The following SCHIP1 variants were observed in gnomAD, a reference collection of about 807,000 sequenced individuals.
SCHIP1 encodes the protein schwannomin-interacting protein 1.
A neutral mutation model predicts 29.7 loss-of-function variants in SCHIP1; 8 were observed. That is an observed-to-expected ratio of 0.27 (90% CI 0.16 to 0.49). The LOEUF (loss-of-function observed/expected upper bound fraction) is 0.49, where lower values mean the gene tolerates loss of function less well. Among genes scored for constraint, SCHIP1 ranks in the 20% least tolerant of loss-of-function variants. The probability of loss-of-function intolerance (pLI) is 0.99; values close to 1 mark genes in which losing one functional copy is unlikely to be tolerated. For missense variants in SCHIP1, 193 were observed against 294.6 expected, an observed-to-expected ratio of 0.66 and a Z score of 2.52; for synonymous variants, 76 against 94.9, an observed-to-expected ratio of 0.80 and a Z score of 1.16.
At chr3:159,345,226 CAAAA>C in the SCHIP1 span, among the ~76,000 whole-genome samples, 3 of 117,284 alleles carry the variant, frequency 2.6e-5, no homozygotes, top group Admixed American at 8.8e-5. Context: ...GACTCTGTCT[CAAAA>C]AAAAAAAAAA....
the SCHIP1 span, among the ~76,000 whole-genome samples, chr3:159,451,907 G>T: frequency 6.6e-6 from 1 of 152,082 alleles, no homozygotes; most frequent in South Asian, 2.1e-4. Flanking sequence ...GGTCCATACT[G>T]AAAAGAGGGG....
the SCHIP1 span, among the ~76,000 whole-genome samples, chr3:159,553,805 G>T: frequency 4.0e-5 from 6 of 151,382 alleles, no homozygotes; most frequent in African/African-American, 9.7e-5. Flanking sequence ...TTGTTTGTTG[G>T]TTTTTTGTTT....
the SCHIP1 span, chr3:159,764,212 T>C: frequency 4.2e-6 from 2 of 480,180 alleles, no homozygotes; most frequent in Non-Finnish European, 7.3e-6. This position sits in a 1 kb window ranked among gnomAD's most constrained non-coding sequence, Gnocchi z 6.1. Context: ...GGCACCCCTT[T>C]GCTAATTTGA....
the SCHIP1 span, among the ~76,000 whole-genome samples, chr3:159,616,238 A>C: frequency 6.6e-6 from 1 of 152,234 alleles, no homozygotes; most frequent in East Asian, 1.9e-4. Flanking sequence ...AGTTGGGATT[A>C]CAGGCATGTG....
chr3:159,809,208 A>G, the SCHIP1 span, among the ~76,000 whole-genome samples: 8 of 149,956 alleles, frequency 5.3e-5, no homozygotes, highest in South Asian at 2.1e-4. Flanking sequence ...TCATTGTTCA[A>G]CTACCACTGA....
At chr3:159,296,132 C>T in the SCHIP1 span, among the ~76,000 whole-genome samples, 1 of 137,988 alleles carries the variant, frequency 7.2e-6, no homozygotes, top group African/African-American at 2.6e-5. Context: ...AGGGATTATG[C>T]TTGCTGCTCT....
the SCHIP1 span, among the ~76,000 whole-genome samples, chr3:159,577,951 A>G: frequency 6.6e-6 from 1 of 152,230 alleles, no homozygotes; most frequent in Non-Finnish European, 1.5e-5. Flanking sequence ...AAGCAAAAAC[A>G]AAAGTTTTAT....
At chr3:159,280,471 C>T in the SCHIP1 span, among the ~76,000 whole-genome samples, 1 of 152,278 alleles carries the variant, frequency 6.6e-6, no homozygotes, top group South Asian at 2.1e-4. Flanking sequence ...AGGGCCATCG[C>T]TCAGACATTT....
the SCHIP1 span, among the ~76,000 whole-genome samples, chr3:159,489,789 A>G: frequency 2.6e-5 from 4 of 152,184 alleles, no homozygotes; most frequent in African/African-American, 7.2e-5. Flanking sequence ...ATCTATTTGT[A>G]CAGAGCTAAT....
the SCHIP1 span, among the ~76,000 whole-genome samples, chr3:159,621,331 T>C: frequency 6.6e-6 from 1 of 152,256 alleles, no homozygotes; most frequent in African/African-American, 2.4e-5. Flanking sequence ...AATTTCAAGC[T>C]AACATTAAAG....
chr3:159,444,537 T>C, the SCHIP1 span, among the ~76,000 whole-genome samples: 1 of 152,104 alleles, frequency 6.6e-6, no homozygotes, highest in East Asian at 1.9e-4. Flanking sequence ...GCCATGATGT[T>C]AAAAGTGGTT....
the SCHIP1 span, among the ~76,000 whole-genome samples, chr3:159,331,507 C>T: frequency 6.6e-6 from 1 of 152,148 alleles, no homozygotes; most frequent in Admixed American, 6.5e-5. Context: ...TACACAGATT[C>T]ATCAAGCTCT....
At chr3:159,816,896 T>A in the SCHIP1 span, among the ~76,000 whole-genome samples, 1 of 152,184 alleles carries the variant, frequency 6.6e-6, no homozygotes, top group South Asian at 2.1e-4. Context: ...TACTCATCAC[T>A]GAAACGCAGA....
chr3:159,305,352 C>T, the SCHIP1 span, among the ~76,000 whole-genome samples: 1 of 152,256 alleles, frequency 6.6e-6, no homozygotes, highest in African/African-American at 2.4e-5. Context: ...TGAACAGTAA[C>T]TCCTTTGTTA....
chr3:159,820,479 A>G, the SCHIP1 span, among the ~76,000 whole-genome samples: 2 of 152,198 alleles, frequency 1.3e-5, no homozygotes, highest in African/African-American at 2.4e-5. Context: ...ATATATATGT[A>G]TGTATTTTCA....
chr3:159,677,347 G>T, the SCHIP1 span, among the ~76,000 whole-genome samples: 2 of 152,146 alleles, frequency 1.3e-5, no homozygotes, highest in African/African-American at 4.8e-5. Context: ...GAGTATGAAT[G>T]GAACTTGGAC....
chr3:159,533,760 C>T, the SCHIP1 span, among the ~76,000 whole-genome samples: 2 of 152,146 alleles, frequency 1.3e-5, no homozygotes, highest in Admixed American at 6.6e-5. Context: ...GTTCTAATCA[C>T]GTGGTTTTCA....
chr3:159,797,268 T>C, the SCHIP1 span, among the ~76,000 whole-genome samples: 1 of 152,228 alleles, frequency 6.6e-6, no homozygotes, highest in Non-Finnish European at 1.5e-5. Flanking sequence ...TGCCCTTTAG[T>C]TTCTCTTAGG....
the SCHIP1 span, among the ~76,000 whole-genome samples, chr3:159,339,784 T>G: frequency 6.6e-6 from 1 of 152,176 alleles, no homozygotes; most frequent in African/African-American, 2.4e-5. Context: ...GTAATCTGCC[T>G]GAGAGTGTAT....
Sources: gnomAD v4.1 joint callset for allele counts (sites outside exome capture counted in the v4.1 genomes callset) on GRCh38, gnomAD v4.1.1 for gene constraint, Gnocchi (gnomAD v3.1) non-coding constraint, MANE v1.5 for transcripts, NCBI Gene and HGNC (gene_info 2026-07-23, HGNC 2026-07-21) for gene names.